Variants in GRM7 observed in about 807,000 individuals in gnomAD.
GRM7 encodes glutamate metabotropic receptor 7.
GRM7 carries 35 observed loss-of-function variants against 84.5 expected under a neutral mutation model. The ratio of observed to expected loss-of-function variants is 0.41; its 90% CI spans 0.32 to 0.55. The LOEUF is 0.55. Among genes scored for constraint, GRM7 ranks in the 20% least tolerant of loss-of-function variants. The pLI, the probability that GRM7 is intolerant of heterozygous loss-of-function variation, is 0.19. For missense variants in GRM7, 1,003 were observed against 1,194.6 expected (o/e 0.84, Z 2.36); for synonymous variants, 487 against 455.1 (o/e 1.07, Z -0.89).
intron 1 of GRM7, among the ~76,000 whole-genome samples, chr3:7,051,480 T>A (rs1490682327): frequency 6.6e-6 from 1 of 151,836 alleles, no homozygotes; most frequent in Non-Finnish European, 1.5e-5. Flanking sequence ...GTTTCTTAGG[T>A]AGCATTTCTC....
chr3:7,676,649 G>T (rs1170218310), intron 8 of GRM7, among the ~76,000 whole-genome samples: 1 of 152,030 alleles, frequency 6.6e-6, no homozygotes, highest in Admixed American at 6.5e-5. Flanking sequence ...GGCCAGGCTG[G>T]TCTTGAATGC....
intron 9 of GRM7, chr3:7,694,434 C>G (rs939584466): frequency 1.1e-6 from 1 of 940,988 alleles, no homozygotes; most frequent in African/African-American, 1.8e-5. Context: ...TCCTGTACCA[C>G]ACATAATAAA....
In GRM7 at chr3:7,664,469, T is replaced by A. The variant is rs1164278487; in HGVS notation, c.2452-15580T>A. ...GGGGTACCTTTCCGAGTATCTCATG[T>A]GTTACTATGGGCAAAGTCTGTGCTT... On this transcript the variant is annotated intron_variant, in intron 8 of 9. Transcript: ENST00000357716. Among the ~76,000 whole-genome samples, 3 of 152,184 alleles carry A rather than the reference T, an allele frequency of 2.0e-5. 1 individual carries two copies. The highest frequency in any genetic ancestry group is 2.9e-5 in the Non-Finnish European group (2 of 68,042).
At chr3:7,113,673 T>G (rs1692935875) in intron 1 of GRM7, among the ~76,000 whole-genome samples, 1 of 152,158 alleles carries the variant, frequency 6.6e-6, no homozygotes, top group African/African-American at 2.4e-5. Context: ...ATTTTGTCAT[T>G]GTTGTTCTTC....
At chr3:7,252,772 T>C (rs1698045893) in intron 2 of GRM7, among the ~76,000 whole-genome samples, 1 of 150,854 alleles carries the variant, frequency 6.6e-6, no homozygotes, top group Non-Finnish European at 1.5e-5. Context: ...CACTGCAACC[T>C]CTGCCTCCCG....
At position 7,099,382 on chromosome 3, in the gene GRM7, A is replaced by AC. The variant is rs558896124; in HGVS notation, c.520-47070_520-47069insC. 3.4e-5 allele frequency among the ~76,000 whole-genome samples: 5 copies of AC among 148,428 alleles called. No individual in the cohort carries two copies. In the South Asian group the frequency reaches 6.3e-4, roughly 19 times the overall value. ...CACATGTATACATATATACATATAT[A>AC]ATATATACATTATATACATACATAA... On this transcript the variant is annotated intron_variant, in intron 1 of 9. Transcript: ENST00000357716.
At chr3:7,397,724 C>T (rs1377744037) in intron 4 of GRM7, among the ~76,000 whole-genome samples, 1 of 152,050 alleles carries the variant, frequency 6.6e-6, no homozygotes, top group African/African-American at 2.4e-5. Flanking sequence ...AGCATTAAAT[C>T]AGTTGTTCTC....
At chr3:7,560,316 T>C (rs1693956850) in intron 7 of GRM7, 1 of 152,058 alleles carries the variant, frequency 6.6e-6, no homozygotes, top group South Asian at 2.1e-4. Flanking sequence ...TGCTCCCATA[T>C]CCTCCTCACT....
intron 2 of GRM7, among the ~76,000 whole-genome samples, chr3:7,184,373 A>G: frequency 6.6e-6 from 1 of 151,446 alleles, no homozygotes; most frequent in South Asian, 2.1e-4. Context: ...TTTTTAAAGT[A>G]GTACTAGTTT....
chr3:7,364,479 C>T (rs1693796284), intron 4 of GRM7, among the ~76,000 whole-genome samples: 1 of 151,614 alleles, frequency 6.6e-6, no homozygotes, highest in Non-Finnish European at 1.5e-5. Flanking sequence ...CTCTTTGTTG[C>T]AAAAATTGAC....
intron 5 of GRM7, among the ~76,000 whole-genome samples, chr3:7,448,211 C>T (rs1054478481): frequency 6.6e-6 from 1 of 151,048 alleles, no homozygotes; most frequent in Non-Finnish European, 1.5e-5. Context: ...AATAAACATA[C>T]ATGTGCATGT....
In GRM7 at chr3:7,011,963, A is replaced by G. The variant is rs148229373; in HGVS notation, c.520-134489A>G. Among the ~76,000 whole-genome samples the G allele has an allele frequency of 1.2e-3, 185 of 152,302 alleles. 2 individuals are homozygous for G. The highest frequency in any genetic ancestry group is 4.1e-3 in the African/African-American group (169 of 41,568). Reference sequence around the variant, plus strand: ...TCTTGCAAATGAAGGTTCCTAGAAGAGAGTGTTCTTCTCAAATAAAATAAG... The same window carrying G: ...TCTTGCAAATGAAGGTTCCTAGAAGGGAGTGTTCTTCTCAAATAAAATAAG... On this transcript the variant is annotated intron_variant, in intron 1 of 9. Transcript: ENST00000357716.
intron 4 of GRM7, among the ~76,000 whole-genome samples, chr3:7,354,697 A>G (rs1247902978): frequency 2.0e-5 from 3 of 152,116 alleles, no homozygotes; most frequent in Non-Finnish European, 4.4e-5. Flanking sequence ...ATGGCAGTGA[A>G]TTGTCAAAGC....
At chr3:7,263,492 C>T (rs1044992488) in intron 2 of GRM7, among the ~76,000 whole-genome samples, 11 of 152,116 alleles carry the variant, frequency 7.2e-5, no homozygotes, top group Admixed American at 2.0e-4. Flanking sequence ...GTGCCAGCCT[C>T]TGTGTGGGCA....
intron 7 of GRM7, among the ~76,000 whole-genome samples, chr3:7,500,355 T>G (rs1370399628): frequency 6.6e-6 from 1 of 152,208 alleles, no homozygotes; most frequent in Non-Finnish European, 1.5e-5. Flanking sequence ...CCTTCAATGA[T>G]GATAAGAATT....
chr3:6,993,058 A>T (rs1360630812), intron 1 of GRM7, among the ~76,000 whole-genome samples: 1 of 152,238 alleles, frequency 6.6e-6, no homozygotes, highest in Non-Finnish European at 1.5e-5. Flanking sequence ...GGGAAGCCTC[A>T]GGAAACTTAC....
In GRM7 at chr3:7,362,341, T is replaced by TACAC. The variant is rs35321936; in HGVS notation, c.1034-52665_1034-52662dup. On this transcript the variant is annotated intron_variant, in intron 4 of 9. Transcript: ENST00000357716. Reference sequence around the variant, plus strand: ...AAAACTGTATTCATGTTTTAAAGAATACACACACACACACACACACTTTTG... The same window carrying TACAC: ...AAAACTGTATTCATGTTTTAAAGAATACACACACACACACACACACACACTTTTG... Among the ~76,000 whole-genome samples the TACAC allele has an allele frequency of 7.6e-3, 1,124 of 147,890 alleles. 7 individuals are homozygous for TACAC. Among genetic ancestry groups the TACAC allele is most frequent in the African/African-American group, 0.022 (884 of 39,422 alleles).
At chr3:7,292,266 T>C (rs1294816174) in intron 2 of GRM7, among the ~76,000 whole-genome samples, 1 of 152,192 alleles carries the variant, frequency 6.6e-6, no homozygotes, top group Non-Finnish European at 1.5e-5. Flanking sequence ...TCATTTGAAA[T>C]TGAATTTCTT....
intron 1 of GRM7, among the ~76,000 whole-genome samples, chr3:7,070,714 C>T (rs573231088): frequency 8.0e-5 from 12 of 150,748 alleles, no homozygotes; most frequent in African/African-American, 3.0e-4. Context: ...TTAGTACAGT[C>T]GGTTGCTCAT....
Sources: allele counts gnomAD v4.1 joint callset (sites outside exome capture counted in the v4.1 genomes callset), GRCh38; gene constraint gnomAD v4.1.1; transcripts MANE v1.5; gene names NCBI Gene and HGNC (gene_info 2026-07-23, HGNC 2026-07-21).